The following SEPTIN8 variants were observed in gnomAD, a reference collection of about 807,000 sequenced individuals.
SEPTIN8 encodes the protein septin 8.
SEPTIN8 carries 22 observed loss-of-function variants against 53.1 expected under a neutral mutation model. That is an observed-to-expected ratio of 0.41 (90% CI 0.30 to 0.59). The LOEUF (loss-of-function observed/expected upper bound fraction) is 0.59. SEPTIN8 is among the 20% of genes least tolerant of loss of function. The pLI is 0.24. For synonymous variants in SEPTIN8, 228 were observed against 248.4 expected, an observed-to-expected ratio of 0.92 and a Z score of 0.77; for missense variants, 536 against 638.7, an observed-to-expected ratio of 0.84 and a Z score of 1.73.
intron 1 of SEPTIN8, among the ~76,000 whole-genome samples, chr5:132,769,211 A>C (rs925166547): frequency 6.6e-6 from 1 of 152,162 alleles, no homozygotes; most frequent in African/African-American, 2.4e-5. Flanking sequence ...CAGGGGAGGA[A>C]ACTGAAGCAC....
chr5:132,772,598 T>C (rs1757425251), intron 1 of SEPTIN8, among the ~76,000 whole-genome samples: 1 of 152,208 alleles, frequency 6.6e-6, no homozygotes, highest in Non-Finnish European at 1.5e-5. Context: ...AATGAAACCC[T>C]TGGAGGGAGA....
Position 132,773,250 on chromosome 5 carries a change from G to A in SEPTIN8, c.30+3858C>T. ...TGCATAGCTCTGCATCTGGTTATCT[G>A]GCAAAGCTTTTGCCTTGGGGGCCAT... On this transcript the variant is annotated intron_variant, in intron 1 of 9. Transcript: ENST00000378719. The surrounding 1 kb of genome is among the most constrained non-coding windows in gnomAD (Gnocchi z 4.2). Among the ~76,000 whole-genome samples, 1 of 152,194 alleles carries A rather than the reference G, an allele frequency of 6.6e-6. No homozygotes were observed. The highest frequency in any genetic ancestry group is 1.9e-4 in the East Asian group (1 of 5,198).
rs111985447 is a variant in SEPTIN8 at position 132,760,213 on chromosome 5, G to A, written c.1286+589C>T. On this transcript the variant is annotated intron_variant, in intron 9 of 9. Transcript: ENST00000378719. The surrounding 1 kb of genome is among the most constrained non-coding windows in gnomAD (Gnocchi z 5.2). The stretch of plus-strand genomic sequence containing the variant: ...TCCATCACCACCTGCCAGCCAATAC[G>A]GGCTCCACACCACTGCCCCACAGAC... Among the ~76,000 whole-genome samples the A allele has an allele frequency of 3.6e-4, 55 of 152,088 alleles. No individual in the cohort carries two copies. The highest frequency in any genetic ancestry group is 1.3e-3 in the African/African-American group (53 of 41,470).
At chr5:132,754,122 G>A (rs1055030343) in intron 9 of SEPTIN8, 3 of 366,978 alleles carry the variant, frequency 8.2e-6, no homozygotes, top group African/African-American at 6.1e-5. Context: ...ACACACTTTT[G>A]CTTGTTGGTG....
At chr5:132,755,661 C>T (rs941920814) in intron 9 of SEPTIN8, among the ~76,000 whole-genome samples, 12 of 152,140 alleles carry the variant, frequency 7.9e-5, no homozygotes, top group Non-Finnish European at 1.6e-4. Flanking sequence ...TTAGTAGTCC[C>T]GTGGCAAGCC....
In SEPTIN8 at chr5:132,764,126, C is replaced by T; in HGVS notation, c.347+98G>A. 2.3e-6 allele frequency: 3 copies of T among 1,308,410 alleles called. No homozygotes were observed. The African/African-American group carries it at 4.5e-5, about 19-fold the overall frequency. 81.1% of individuals were successfully genotyped at this position (1,308,410 alleles called of 1,614,324 possible). On this transcript the variant is annotated intron_variant, in intron 3 of 9. Coordinates refer to ENST00000378719, the MANE Select transcript of SEPTIN8 (RefSeq NM_001098811.2). Reference sequence around the variant, plus strand: ...CTCAGATATTCCCCAAGAGGCCCTCCCTGGCCCCCTGCAGTGTGAGGGCTG... The same window carrying T: ...CTCAGATATTCCCCAAGAGGCCCTCTCTGGCCCCCTGCAGTGTGAGGGCTG...
chr5:132,757,871 G>A, intron 9 of SEPTIN8: 1 of 985,590 alleles, frequency 1.0e-6, no homozygotes, highest in African/African-American at 1.7e-5. Flanking sequence ...TCTTCACCCT[G>A]TGACCCAGCC....
intron 1 of SEPTIN8, among the ~76,000 whole-genome samples, chr5:132,775,075 A>G (rs1757663659): frequency 6.6e-6 from 1 of 152,174 alleles, no homozygotes; most frequent in Non-Finnish European, 1.5e-5. Context: ...CTCCAGCTGA[A>G]GCTGGCATAG....
intron 1 of SEPTIN8, 31 bp from the exon 2 acceptor site, chr5:132,765,560 G>T: frequency 6.4e-7 from 1 of 1,550,512 alleles, no homozygotes; most frequent in Non-Finnish European, 8.7e-7. Flanking sequence ...CAAGACATGA[G>T]CCCACTGGGG....
At position 132,751,023 on chromosome 5, in the gene SEPTIN8, C is replaced by G; in HGVS notation, c.*993G>C. On this transcript the variant is annotated 3_prime_UTR_variant, in exon 10 of 10. Transcript: ENST00000378719. ...GTGAGTAAGGAGGTGTTTACAGAGT[C>G]TACCCTAAACTCGTTTGTGCCTTTG... 1 of 1,606,876 alleles carries G rather than the reference C, an allele frequency of 6.2e-7. No individual in the cohort carries two copies. Among genetic ancestry groups the G allele is most frequent in the Non-Finnish European group, 8.5e-7 (1 of 1,177,536 alleles).
chr5:132,761,452 T>C lies in SEPTIN8; in HGVS notation c.962+6A>G. ...AAGACAGGCTCACTCTGGCTCAGGC[T>C]GTCACCTGAAGGGCTGGCTGTCACC... On this transcript the variant is annotated splice_donor_region_variant and intron_variant, in intron 7 of 9. Coordinates refer to ENST00000378719, the MANE Select transcript of SEPTIN8 (RefSeq NM_001098811.2). This position sits in a 1 kb window ranked among gnomAD's most constrained non-coding sequence, Gnocchi z 5.8. The C allele has an allele frequency of 6.2e-7, 1 of 1,608,254 alleles. No homozygotes were observed. Among genetic ancestry groups the C allele is most frequent in the Non-Finnish European group, 8.5e-7 (1 of 1,178,188 alleles).
chr5:132,761,012 A>C lies in SEPTIN8; in HGVS notation c.1096-20T>G. 1.3e-6 allele frequency: 2 copies of C among 1,584,036 alleles called. No homozygotes were observed. The highest frequency in any genetic ancestry group is 1.7e-6 in the Non-Finnish European group (2 of 1,164,548). Reference sequence around the variant, plus strand: ...ATGGAGCTGGCATCAGAAAGGGGGCAGAAGATGCGGGGAGCAAGAGGAGGG... The same window carrying C: ...ATGGAGCTGGCATCAGAAAGGGGGCCGAAGATGCGGGGAGCAAGAGGAGGG... On this transcript the variant is annotated intron_variant, in intron 8 of 9. Coordinates refer to ENST00000378719, the MANE Select transcript of SEPTIN8 (RefSeq NM_001098811.2). The surrounding 1 kb of genome is among the most constrained non-coding windows in gnomAD (Gnocchi z 5.8).
At chr5:132,775,653 A>T (rs1757720738) in intron 1 of SEPTIN8, 1 of 152,240 alleles carries the variant, frequency 6.6e-6, no homozygotes, top group South Asian at 2.1e-4. Flanking sequence ...CTGGCCACAG[A>T]CAAGACCCAG....
At chr5:132,772,687 T>G (rs573957051) in intron 1 of SEPTIN8, among the ~76,000 whole-genome samples, 10 of 152,274 alleles carry the variant, frequency 6.6e-5, no homozygotes, top group Admixed American at 2.6e-4. Flanking sequence ...GAGGAATGCA[T>G]GGGCACCAAT....
intron 9 of SEPTIN8, 129 bp from the exon 10 acceptor site, chr5:132,752,310 A>G (rs1202865018): frequency 1.6e-6 from 2 of 1,253,510 alleles, no homozygotes; most frequent in Admixed American, 2.8e-5. Context: ...TGTTCTGGCC[A>G]TAACCCTGGA....
Position 132,770,012 on chromosome 5 carries a change from TATATATATATAC to T in SEPTIN8, c.31-4495_31-4484del, listed in dbSNP as rs1269709306. Among the ~76,000 whole-genome samples, 344 of 55,988 alleles carry T rather than the reference TATATATATATAC, an allele frequency of 6.1e-3. 11 individuals carry two copies. The highest frequency in any genetic ancestry group is 0.022 in the African/African-American group (273 of 12,420). 36.7% of individuals were successfully genotyped at this position (55,988 alleles called of 152,430 possible). A position where few individuals can be genotyped will look rare whatever the true frequency, so the allele number is the denominator to read the frequency against. ...ATATATATATATATATATATATATA[TATATATATATAC>T]ACACACATATATATATATGTGTGTG... On this transcript the variant is annotated intron_variant, in intron 1 of 9. Coordinates refer to ENST00000378719, the MANE Select transcript of SEPTIN8 (RefSeq NM_001098811.2).
intron 9 of SEPTIN8, among the ~76,000 whole-genome samples, chr5:132,754,804 A>G (rs1050313172): frequency 2.6e-5 from 4 of 152,204 alleles, no homozygotes; most frequent in African/African-American, 9.7e-5. Flanking sequence ...AAATATGGAT[A>G]CAATCTATTT....
upstream of SEPTIN8, chr5:132,777,894 C>T: frequency 1.0e-6 from 1 of 985,486 alleles, no homozygotes; most frequent in South Asian, 4.7e-5. This position sits in a 1 kb window ranked among gnomAD's most constrained non-coding sequence, Gnocchi z 4.1. Flanking sequence ...GGCTGGGATT[C>T]CTGCAATAGA....
In SEPTIN8 at chr5:132,750,931, G is replaced by C; in HGVS notation, c.*1085C>G. ...CCCCGAATGAGCTGCTGAGGATGGAGCTGGCTATTCTGGACAGACTGCACT... is the reference window on the plus strand; with the variant it reads ...CCCCGAATGAGCTGCTGAGGATGGACCTGGCTATTCTGGACAGACTGCACT... On this transcript the variant is annotated 3_prime_UTR_variant, in exon 10 of 10. Coordinates refer to ENST00000378719, the MANE Select transcript of SEPTIN8 (RefSeq NM_001098811.2). 1.2e-6 allele frequency: 2 copies of C among 1,614,278 alleles called. No individual in the cohort carries two copies. Among genetic ancestry groups the C allele is most frequent in the South Asian group, 2.2e-5 (2 of 91,090 alleles).
Sources: gnomAD v4.1 joint callset for allele counts (sites outside exome capture counted in the v4.1 genomes callset) on GRCh38, gnomAD v4.1.1 for gene constraint, Gnocchi (gnomAD v3.1) non-coding constraint, MANE v1.5 for transcripts, NCBI Gene and HGNC (gene_info 2026-07-23, HGNC 2026-07-21) for gene names.